The following SAMSN1 variants were observed in gnomAD, a reference collection of about 807,000 sequenced individuals.
The protein encoded by SAMSN1 is SAM domain-containing protein SAMSN-1.
In SAMSN1, 31 loss-of-function variants were observed where a neutral mutation model predicts 42.0. The observed-to-expected ratio is 0.74, with a 90% CI of 0.55 to 1.00. The LOEUF is 1.00. Among genes scored for constraint, SAMSN1 ranks in the 50% least tolerant of loss-of-function variants. SAMSN1 has a pLI of 0.00. For synonymous variants in SAMSN1, 178 were observed against 151.9 expected (o/e 1.17, Z -1.26); for missense variants, 464 against 439.4 (o/e 1.06, Z -0.50).
intron 4 of SAMSN1, among the ~76,000 whole-genome samples, chr21:14,611,161 C>A (rs962719083): frequency 2.6e-5 from 4 of 151,660 alleles, no homozygotes; most frequent in Admixed American, 2.6e-4. Flanking sequence ...GTTAAACTAT[C>A]CTTACCCTCT....
rs188801533 is a variant in SAMSN1, at chr21:14,520,498, C to T, written c.129+652G>A. Among the ~76,000 whole-genome samples, 352 of 152,208 alleles carry T rather than the reference C, an allele frequency of 2.3e-3. 2 individuals carry two copies. The highest frequency in any genetic ancestry group is 6.1e-3 in the African/African-American group (255 of 41,520). On this transcript the variant is annotated intron_variant, in intron 2 of 7. Coordinates refer to ENST00000400566, the MANE Select transcript of SAMSN1 (RefSeq NM_022136.5). ...AGTGTCAGTTTGAATTCTATCTTTTCGGGTTCATGTTTTGCTTTCCCAAAC... is the reference window on the plus strand; with the variant it reads ...AGTGTCAGTTTGAATTCTATCTTTTTGGGTTCATGTTTTGCTTTCCCAAAC...
intron 2 of SAMSN1, among the ~76,000 whole-genome samples, chr21:14,574,756 G>T (rs529962314): frequency 1.3e-5 from 2 of 152,156 alleles, no homozygotes; most frequent in East Asian, 1.9e-4. Context: ...TATTGGAAAA[G>T]ACACTTAAAC....
intron 2 of SAMSN1, among the ~76,000 whole-genome samples, chr21:14,565,798 A>G (rs1281788907): frequency 2.6e-5 from 4 of 152,184 alleles, no homozygotes; most frequent in Admixed American, 1.3e-4. Flanking sequence ...CAACATCACA[A>G]TGAATAAATA....
At chr21:14,504,744 A>C (rs1490712261) in intron 5 of SAMSN1, among the ~76,000 whole-genome samples, 1 of 152,156 alleles carries the variant, frequency 6.6e-6, no homozygotes, top group Non-Finnish European at 1.5e-5. Flanking sequence ...AATACAAGAA[A>C]CACGAACCTA....
At chr21:14,651,551 C>T (rs952191498) in intron 1 of SAMSN1, among the ~76,000 whole-genome samples, 2 of 151,846 alleles carry the variant, frequency 1.3e-5, no homozygotes, top group Non-Finnish European at 2.9e-5. Flanking sequence ...ATAATAAAAG[C>T]CTTATACAAT....
chr21:14,587,254 G>A (rs948083649), upstream of SAMSN1, among the ~76,000 whole-genome samples: 3 of 152,064 alleles, frequency 2.0e-5, no homozygotes, highest in Non-Finnish European at 4.4e-5. Flanking sequence ...AACTATGTAT[G>A]CTTCCTTTAA....
chr21:14,590,267 T>TTA (rs1275614198), intron 7 of SAMSN1, among the ~76,000 whole-genome samples: 1 of 14,066 alleles, frequency 7.1e-5, no homozygotes, highest in Non-Finnish European at 2.5e-4. Flanking sequence ...ATTGGGAGAA[T>TTA]TTTTTTTTCT....
At chr21:14,638,418 G>A (rs1983517680) in intron 2 of SAMSN1, among the ~76,000 whole-genome samples, 1 of 152,094 alleles carries the variant, frequency 6.6e-6, no homozygotes, top group Non-Finnish European at 1.5e-5. Flanking sequence ...TGCCACCTGT[G>A]GTTGTACAGT....
intron 1 of SAMSN1, among the ~76,000 whole-genome samples, chr21:14,653,744 A>G (rs1983870925): frequency 1.3e-5 from 2 of 152,040 alleles, no homozygotes. Context: ...TGTCTGTATC[A>G]AATCATCTCA....
At chr21:14,508,874 A>T (rs1987545652) in intron 5 of SAMSN1, among the ~76,000 whole-genome samples, 1 of 152,182 alleles carries the variant, frequency 6.6e-6, no homozygotes, top group Non-Finnish European at 1.5e-5. Flanking sequence ...TCATGCCTGT[A>T]ATCCCAGCAC....
intron 3 of SAMSN1, among the ~76,000 whole-genome samples, chr21:14,615,750 T>C (rs925875981): frequency 2.0e-5 from 3 of 151,734 alleles, no homozygotes; most frequent in African/African-American, 7.3e-5. Context: ...CTGAAAAATT[T>C]AATTTGCACA....
chr21:14,521,592 TAACC>T (rs966249728), intron 1 of SAMSN1, among the ~76,000 whole-genome samples: 2 of 152,154 alleles, frequency 1.3e-5, no homozygotes, highest in African/African-American at 2.4e-5. Context: ...CATGTAGTAC[TAACC>T]AACCAACCAA....
chr21:14,546,606 G>GA (rs1310828382), upstream of SAMSN1, among the ~76,000 whole-genome samples: 1 of 146,638 alleles, frequency 6.8e-6, no homozygotes, highest in Non-Finnish European at 1.5e-5. Flanking sequence ...TCCATGGGTA[G>GA]AAAAAAGAAA....
At chr21:14,554,287 A>AGG (rs1379822023) in intron 2 of SAMSN1, among the ~76,000 whole-genome samples, 3 of 152,104 alleles carry the variant, frequency 2.0e-5, no homozygotes, top group Non-Finnish European at 2.9e-5. Flanking sequence ...GCCCTTGACA[A>AGG]GTTATTTAGC....
chr21:14,501,647 C>A (rs964827653), intron 5 of SAMSN1, among the ~76,000 whole-genome samples: 7 of 152,122 alleles, frequency 4.6e-5, no homozygotes, highest in African/African-American at 1.7e-4. Context: ...TAAAATAAAC[C>A]CATTTCAAGT....
chr21:14,658,524 A>G (rs1351790644), intron 1 of SAMSN1, among the ~76,000 whole-genome samples: 1 of 151,972 alleles, frequency 6.6e-6, no homozygotes, highest in Non-Finnish European at 1.5e-5. Flanking sequence ...GATAAATAAT[A>G]GTAATTGTTG....
At chr21:14,603,116 G>GGTCC (rs1041671407) in intron 5 of SAMSN1, among the ~76,000 whole-genome samples, 35 of 152,204 alleles carry the variant, frequency 2.3e-4, no homozygotes, top group African/African-American at 8.2e-4. Flanking sequence ...ATGTCACAGG[G>GGTCC]TCAGGCTGCT....
At chr21:14,642,522 A>G (rs1360208764) in intron 2 of SAMSN1, among the ~76,000 whole-genome samples, 1 of 152,190 alleles carries the variant, frequency 6.6e-6, no homozygotes, top group Admixed American at 6.5e-5. Context: ...TAGTTAAACT[A>G]TGGGTAGCTT....
chr21:14,539,987 C>T (rs1979901779), intron 1 of SAMSN1, among the ~76,000 whole-genome samples: 2 of 152,116 alleles, frequency 1.3e-5, no homozygotes, highest in African/African-American at 2.4e-5. Context: ...GAAATAATGC[C>T]ACATATCTAC....
Sources: gnomAD v4.1 joint callset for allele counts (sites outside exome capture counted in the v4.1 genomes callset) on GRCh38, gnomAD v4.1.1 for gene constraint, MANE v1.5 for transcripts, NCBI Gene and HGNC (gene_info 2026-07-23, HGNC 2026-07-21) for gene names.